Variants in CNTNAP4 observed in about 807,000 individuals in gnomAD.
The protein encoded by CNTNAP4 is contactin associated protein family member 4, also known as contactin-associated protein-like 4.
CNTNAP4 carries 98 observed loss-of-function variants against 148.4 expected under a neutral mutation model. That is an observed-to-expected ratio of 0.66 (90% confidence interval 0.56 to 0.78). The LOEUF (loss-of-function observed/expected upper bound fraction) is 0.78, where lower values mean the gene tolerates loss of function less well. Ranked by LOEUF, CNTNAP4 falls within the 30% of genes least tolerant of loss-of-function variation. CNTNAP4 has a pLI of 0.00. For synonymous variants in CNTNAP4, 730 were observed against 565.1 expected (o/e 1.29, Z -4.14); for missense variants, 1,935 against 1,565.6 (o/e 1.24, Z -3.98).
chr16:76,335,754 T>C (rs377051549), intron 2 of CNTNAP4, among the ~76,000 whole-genome samples: 16 of 152,242 alleles, frequency 1.1e-4, no homozygotes, highest in East Asian at 7.7e-4. Flanking sequence ...GAACCCCTTA[T>C]CAGCCCCAGA....
At chr16:76,542,705 C>T (rs2144310990) in intron 21 of CNTNAP4, among the ~76,000 whole-genome samples, 1 of 152,320 alleles carries the variant, frequency 6.6e-6, no homozygotes, top group South Asian at 2.1e-4. Context: ...TCTGTCCTCA[C>T]TTAAGCCTAC....
intron 4 of CNTNAP4, among the ~76,000 whole-genome samples, chr16:76,438,748 C>T (rs921747183): frequency 6.6e-6 from 1 of 152,076 alleles, no homozygotes; most frequent in South Asian, 2.1e-4. Context: ...TTCCCACTTC[C>T]TCCTTCTTTC....
chr16:76,304,758 A>G (rs1376606624), intron 1 of CNTNAP4, among the ~76,000 whole-genome samples: 1 of 152,174 alleles, frequency 6.6e-6, no homozygotes, highest in Non-Finnish European at 1.5e-5. Flanking sequence ...GAGGCACAAA[A>G]TCTGAAAAAA....
chr16:76,318,620 G>C (rs1962062576), intron 2 of CNTNAP4, among the ~76,000 whole-genome samples: 1 of 151,138 alleles, frequency 6.6e-6, no homozygotes, highest in Non-Finnish European at 1.5e-5. Flanking sequence ...AGGAACATCA[G>C]ATTTTCAGTG....
Position 76,522,168 on chromosome 16 carries a change from C to T in CNTNAP4, c.2666C>T (p.Ser889Phe). Residue 889 changes from serine to phenylalanine, a missense_variant, in exon 17 of 24, where the codon TCC becomes TTC. Ser to Phe is a radical substitution (Grantham distance 155). Transcript: ENST00000611870. ...VRVERNMKEA[S>F]LQVDQLTPKT... ...GTTGAAAGGAACATGAAGGAGGCCT[C>T]CCTTCAAGTGGATCAGCTGACACCA... 6.2e-7 allele frequency: 1 copy of T among 1,613,852 alleles called. No individual in the cohort carries two copies. The highest frequency in any genetic ancestry group is 2.2e-5 in the East Asian group (1 of 44,880).
At chr16:76,515,597 G>A (rs1471548318) in intron 15 of CNTNAP4, among the ~76,000 whole-genome samples, 1 of 152,148 alleles carries the variant, frequency 6.6e-6, no homozygotes, top group South Asian at 2.1e-4. Context: ...TGTTTTTTAA[G>A]CCACCTGACC....
At chr16:76,345,993 C>A (rs1472369053) in intron 2 of CNTNAP4, among the ~76,000 whole-genome samples, 3 of 152,240 alleles carry the variant, frequency 2.0e-5, no homozygotes, top group Non-Finnish European at 2.9e-5. Context: ...CAAGCCCTTA[C>A]CAGGAACTGA....
intron 1 of CNTNAP4, among the ~76,000 whole-genome samples, chr16:76,299,949 A>G (rs1009195940): frequency 5.9e-5 from 9 of 152,262 alleles, no homozygotes; most frequent in Non-Finnish European, 1.2e-4. Context: ...GAACAACGAG[A>G]ACACATGGAC....
At position 76,558,603 on chromosome 16, in the gene CNTNAP4, G is replaced by T. The variant is rs2085291594; in HGVS notation, c.3847G>T (p.Asp1283Tyr). The T allele has an allele frequency of 3.1e-6, 5 of 1,613,492 alleles. No homozygotes were observed. In the Middle Eastern group the frequency reaches 4.9e-4, roughly 160 times the overall value. Reference protein sequence around the residue: ...RSEAKRSENVDSAEAVLKSEL... With the variant: ...RSEAKRSENVYSAEAVLKSEL... ...TGAGGCAAAAAGGTCAGAGAATGTA[G>T]ACAGTGCTGAGGCTGTTCTGAAAAG... The change falls in exon 24 of 24, where the codon GAC becomes TAC. Residue 1283 changes from aspartate (D) to tyrosine (Y), a missense_variant. Physicochemically the swap from Asp to Tyr is radical, Grantham distance 160. Transcript: ENST00000611870.
At chr16:76,467,268 TC>T (rs1185998600) in intron 9 of CNTNAP4, 83 bp from the exon 10 acceptor site, 1 of 1,211,402 alleles carries the variant, frequency 8.3e-7, no homozygotes, top group East Asian at 2.5e-5. Flanking sequence ...TATGCCTCTT[TC>T]TTTTATTTTT....
intron 14 of CNTNAP4, 199 bp downstream of exon 14, chr16:76,495,265 G>A: frequency 4.7e-6 from 2 of 426,028 alleles, no homozygotes; most frequent in Non-Finnish European, 4.2e-6. Context: ...TTTCTGTAAT[G>A]GACCATAAGT....
chr16:76,365,088 C>T (rs960448314), intron 3 of CNTNAP4, among the ~76,000 whole-genome samples: 18 of 152,300 alleles, frequency 1.2e-4, no homozygotes, highest in Middle Eastern at 3.4e-3. Flanking sequence ...CAGCTTTCTG[C>T]ATACGGCTAG....
chr16:76,445,692 GA>G (rs201808236), intron 4 of CNTNAP4, among the ~76,000 whole-genome samples: 2 of 150,146 alleles, frequency 1.3e-5, no homozygotes, highest in Non-Finnish European at 3.0e-5. Flanking sequence ...CAGCGAAAAA[GA>G]AAAAAAAAGT....
At chr16:76,299,413 A>G (rs369769518) in intron 1 of CNTNAP4, among the ~76,000 whole-genome samples, 1 of 152,340 alleles carries the variant, frequency 6.6e-6, no homozygotes, top group East Asian at 1.9e-4. Context: ...ATCACTGGCC[A>G]TCAGAGAAAT....
At chr16:76,287,518 G>C (rs151163153) in intron 1 of CNTNAP4, 1 of 152,180 alleles carries the variant, frequency 6.6e-6, no homozygotes, top group African/African-American at 2.4e-5. Context: ...AAGTATGTAG[G>C]TAGTACCATT....
At chr16:76,365,747 G>A (rs1380660931) in intron 3 of CNTNAP4, among the ~76,000 whole-genome samples, 29 of 65,836 alleles carry the variant, frequency 4.4e-4, no homozygotes, top group South Asian at 7.8e-4. Flanking sequence ...GTGAGACTCC[G>A]TCTCAAAAAA....
intron 22 of CNTNAP4, 133 bp downstream of exon 22, chr16:76,553,634 G>C: frequency 1.4e-6 from 1 of 707,786 alleles, no homozygotes; most frequent in Non-Finnish European, 2.4e-6. Context: ...TTAGCTTTTA[G>C]TTCTCCTTCC....
chr16:76,548,573 G>T (rs977534043), intron 21 of CNTNAP4, among the ~76,000 whole-genome samples: 3 of 151,730 alleles, frequency 2.0e-5, no homozygotes, highest in African/African-American at 4.8e-5. Flanking sequence ...TTTCTTGCAG[G>T]CCTTTTGTTA....
intron 15 of CNTNAP4, among the ~76,000 whole-genome samples, chr16:76,500,318 C>A (rs1334666110): frequency 6.6e-6 from 1 of 152,206 alleles, no homozygotes; most frequent in Admixed American, 6.5e-5. Flanking sequence ...CTCTTTCAGT[C>A]AGTCAACAAA....
Sources: allele counts gnomAD v4.1 joint callset (sites outside exome capture counted in the v4.1 genomes callset), GRCh38; gene constraint gnomAD v4.1.1; transcripts MANE v1.5; gene names NCBI Gene and HGNC (gene_info 2026-07-23, HGNC 2026-07-21).